The following DLGAP2 variants were observed in gnomAD, a reference collection of about 807,000 sequenced individuals.
DLGAP2 encodes the protein disks large-associated protein 2.
A neutral mutation model predicts 100.3 loss-of-function variants in DLGAP2; 26 were observed. That is an observed-to-expected ratio of 0.26 (90% CI 0.19 to 0.36). DLGAP2 has a LOEUF of 0.36. Among genes scored for constraint, DLGAP2 ranks in the 10% least tolerant of loss-of-function variants. The pLI is 1.00. For synonymous variants in DLGAP2, 886 were observed against 630.1 expected (o/e 1.41, Z -6.08); for missense variants, 1,858 against 1,453.2 (o/e 1.28, Z -4.53).
At chr8:1,134,803 A>G (rs532074851) in intron 2 of DLGAP2, among the ~76,000 whole-genome samples, 5 of 152,258 alleles carry the variant, frequency 3.3e-5, no homozygotes, top group African/African-American at 7.2e-5. Context: ...GAGCACAGAA[A>G]AAAACACCAT....
chr8:1,206,447 CTGGGG>C lies in DLGAP2; in HGVS notation c.74-52402_74-52398del, dbSNP rs1563253088. Among the ~76,000 whole-genome samples, 428 of 147,856 alleles carry C rather than the reference CTGGGG, an allele frequency of 2.9e-3. 1 individual carries two copies. The highest frequency in any genetic ancestry group is 6.3e-3 in the African/African-American group (257 of 40,658). ...CGGTTAATCTCCAGCCATCCGTGGA[CTGGGG>C]TAGACTGTGAGTGGTTAATCTCCAG... On this transcript the variant is annotated intron_variant, in intron 2 of 14. Transcript: ENST00000637795.
At chr8:1,024,471 C>T (rs1173030423) in intron 2 of DLGAP2, among the ~76,000 whole-genome samples, 4 of 152,084 alleles carry the variant, frequency 2.6e-5, no homozygotes, top group South Asian at 4.1e-4. Context: ...AGTCCCGTGC[C>T]GAAGGAGACG....
At chr8:1,677,227 A>T (rs913729079) in intron 11 of DLGAP2, among the ~76,000 whole-genome samples, 5 of 152,074 alleles carry the variant, frequency 3.3e-5, no homozygotes, top group Non-Finnish European at 7.4e-5. Flanking sequence ...CTCATCAGGG[A>T]GCGTTTTAGC....
At chr8:1,096,897 G>C (rs1804391811) in intron 2 of DLGAP2, among the ~76,000 whole-genome samples, 1 of 143,798 alleles carries the variant, frequency 7.0e-6, no homozygotes, top group South Asian at 2.2e-4. Flanking sequence ...TCCAGCGTGA[G>C]ACCCACCTCC....
chr8:1,451,137 TCA>T lies in DLGAP2; in HGVS notation c.107-50225_107-50224del, dbSNP rs1798148026. On this transcript the variant is annotated intron_variant, in intron 3 of 14. Coordinates refer to ENST00000637795, the MANE Select transcript of DLGAP2 (RefSeq NM_001346810.2). ...CTGTGGGCCATGGGTGGGACTGGAG[TCA>T]CACCTTTCCAGCATGTTCCGCCGCT... Among the ~76,000 whole-genome samples, 3 of 151,862 alleles carry T rather than the reference TCA, an allele frequency of 2.0e-5. No individual in the cohort carries two copies. In the South Asian group the frequency reaches 6.2e-4, roughly 31 times the overall value.
chr8:944,087 G>T (rs181040735), intron 2 of DLGAP2, among the ~76,000 whole-genome samples: 252 of 152,338 alleles, frequency 1.7e-3, no homozygotes, highest in Non-Finnish European at 1.7e-3. Context: ...TGTATAATTT[G>T]CCCAAATGAG....
chr8:1,203,581 T>C (rs1797928624), intron 2 of DLGAP2, among the ~76,000 whole-genome samples: 1 of 152,200 alleles, frequency 6.6e-6, no homozygotes, highest in African/African-American at 2.4e-5. Context: ...TCTCTACTCT[T>C]CCCTTTAAGT....
chr8:915,650 G>A (rs549045095), intron 2 of DLGAP2, among the ~76,000 whole-genome samples: 5 of 152,108 alleles, frequency 3.3e-5, no homozygotes, highest in Admixed American at 1.3e-4. Flanking sequence ...CGAATCACAC[G>A]GCTGGTCATG....
intron 2 of DLGAP2, among the ~76,000 whole-genome samples, chr8:1,001,202 T>A (rs1048056486): frequency 2.0e-5 from 3 of 152,186 alleles, no homozygotes; most frequent in South Asian, 2.1e-4. Flanking sequence ...ACTGGAGAGC[T>A]TTGACTATTT....
chr8:829,502 A>C (rs1445241556), intron 1 of DLGAP2, among the ~76,000 whole-genome samples: 1 of 152,238 alleles, frequency 6.6e-6, no homozygotes, highest in Non-Finnish European at 1.5e-5. Context: ...ACAAGTTAGG[A>C]AATAAGTTTA....
chr8:813,846 C>G (rs1377054850), intron 1 of DLGAP2, among the ~76,000 whole-genome samples: 1 of 152,264 alleles, frequency 6.6e-6, no homozygotes, highest in East Asian at 1.9e-4. Context: ...CAACAGCTAC[C>G]TGCCTCTCAA....
chr8:1,469,129 C>T (rs1798710868), intron 3 of DLGAP2, among the ~76,000 whole-genome samples: 2 of 152,238 alleles, frequency 1.3e-5, no homozygotes, highest in Admixed American at 6.5e-5. Flanking sequence ...CGCCCCGTGT[C>T]CAGCTGGGAT....
At chr8:1,450,442 C>G (rs4288403) in intron 3 of DLGAP2, among the ~76,000 whole-genome samples, 2 of 43,042 alleles carry the variant, frequency 4.6e-5, no homozygotes, top group African/African-American at 8.1e-5. Context: ...ACGAGGTGGG[C>G]GGCCTCGGTG....
chr8:865,433 G>C (rs1797476016), intron 1 of DLGAP2, among the ~76,000 whole-genome samples: 1 of 152,184 alleles, frequency 6.6e-6, no homozygotes. Flanking sequence ...GCGGCGTCAG[G>C]TCTACTTGCA....
chr8:1,665,849 G>A (rs1450134398), intron 8 of DLGAP2, among the ~76,000 whole-genome samples: 8 of 152,200 alleles, frequency 5.3e-5, no homozygotes, highest in African/African-American at 1.2e-4. Context: ...GAAAACAGCC[G>A]CCTACTCTCC....
intron 4 of DLGAP2, among the ~76,000 whole-genome samples, chr8:1,516,101 CTGAG>C (rs1249248552): frequency 1.4e-5 from 2 of 143,862 alleles, no homozygotes; most frequent in Non-Finnish European, 3.0e-5. Context: ...GAATGAGTGA[CTGAG>C]TGAATGAGTG....
intron 6 of DLGAP2, among the ~76,000 whole-genome samples, chr8:1,572,156 G>C (rs1802736526): frequency 1.5e-5 from 2 of 130,172 alleles, no homozygotes; most frequent in Non-Finnish European, 1.6e-5. Context: ...GGAGAGGAGA[G>C]AGGGTGAACT....
intron 2 of DLGAP2, among the ~76,000 whole-genome samples, chr8:1,085,591 C>T (rs760325650): frequency 1.3e-5 from 2 of 152,104 alleles, no homozygotes; most frequent in African/African-American, 4.8e-5. Flanking sequence ...TGTGTGGGTT[C>T]GTTTCTGGGC....
chr8:1,595,311 A>T (rs1308022281), intron 6 of DLGAP2, among the ~76,000 whole-genome samples: 1 of 152,084 alleles, frequency 6.6e-6, no homozygotes, highest in African/African-American at 2.4e-5. Context: ...CATAAATAAC[A>T]TACAAAAGAG....
Sources: gnomAD v4.1 joint callset for allele counts (sites outside exome capture counted in the v4.1 genomes callset) on GRCh38, gnomAD v4.1.1 for gene constraint, MANE v1.5 for transcripts, NCBI Gene and HGNC (gene_info 2026-07-23, HGNC 2026-07-21) for gene names.